FAAH2: variants seen among roughly 807,000 people sequenced by gnomAD.
The protein encoded by FAAH2 is fatty acid amide hydrolase 2, also known as fatty-acid amide hydrolase 2.
FAAH2 carries 60 observed loss-of-function variants against 36.9 expected under a neutral mutation model. That is an observed-to-expected ratio of 1.63 (90% confidence interval 1.32 to 2.02). The LOEUF is 2.02. Ranked by LOEUF, FAAH2 falls within the 30% of genes most tolerant of loss-of-function variation. The pLI is 0.00. For missense variants in FAAH2, 689 were observed against 397.5 expected, an observed-to-expected ratio of 1.73 and a Z score of -6.23; for synonymous variants, 214 against 143.8, an observed-to-expected ratio of 1.49 and a Z score of -3.49.
chrX:57,334,141 G>T (rs928723432), intron 4 of FAAH2, among the ~76,000 whole-genome samples: 1 of 109,765 alleles, frequency 9.1e-6, no homozygotes, highest in Non-Finnish European at 1.9e-5. Flanking sequence ...CTGGCAGCAG[G>T]TGCCTGTAAT....
At chrX:57,274,135 C>A in the FAAH2 span, among the ~76,000 whole-genome samples, 1 of 112,124 alleles carries the variant, frequency 8.9e-6, no homozygotes, top group African/African-American at 3.2e-5. Context: ...ATAAATGCCT[C>A]TAGCAAATAA....
At chrX:57,134,532 C>G in the FAAH2 span, 3 of 111,429 alleles carry the variant, frequency 2.7e-5, no homozygotes, top group African/African-American at 6.5e-5. Flanking sequence ...CCCATACCCT[C>G]GAGAGAAACA....
the FAAH2 span, among the ~76,000 whole-genome samples, chrX:57,269,944 TA>T: frequency 9.1e-6 from 1 of 110,241 alleles, no homozygotes; most frequent in African/African-American, 3.3e-5. Context: ...GAGCTGCTTT[TA>T]AAAAAATAAT....
At chrX:57,224,490 C>T in the FAAH2 span, among the ~76,000 whole-genome samples, 1 of 111,265 alleles carries the variant, frequency 9.0e-6, no homozygotes, top group Non-Finnish European at 1.9e-5. Flanking sequence ...ATGAATAACT[C>T]CTCCCTTCTC....
chrX:57,272,522 C>T, the FAAH2 span, among the ~76,000 whole-genome samples: 1 of 111,877 alleles, frequency 8.9e-6, no homozygotes, highest in African/African-American at 3.2e-5. Context: ...TCAGGTTACC[C>T]ACAAAGGGAA....
At chrX:57,154,285 G>C in the FAAH2 span, among the ~76,000 whole-genome samples, 1 of 47,726 alleles carries the variant, frequency 2.1e-5, no homozygotes, top group African/African-American at 8.1e-5. Context: ...TTTTTTTTTT[G>C]ACACAGTCTC....
the FAAH2 span, among the ~76,000 whole-genome samples, chrX:57,254,253 G>A: frequency 0.011 from 1,270 of 111,886 alleles, 53 homozygotes; most frequent in Admixed American, 0.11. Context: ...ACCCAATACA[G>A]GAGCACCCAG....
intron 7 of FAAH2, among the ~76,000 whole-genome samples, chrX:57,416,407 T>G (rs1170031521): frequency 1.8e-5 from 2 of 111,384 alleles, no homozygotes; most frequent in African/African-American, 6.5e-5. Flanking sequence ...TTCAGGAGCT[T>G]TTGTAAGGCA....
At chrX:57,472,581 C>A (rs1480273711) in intron 10 of FAAH2, among the ~76,000 whole-genome samples, 1 of 111,635 alleles carries the variant, frequency 9.0e-6, no homozygotes, top group African/African-American at 3.2e-5. Context: ...CTGGCAAAAC[C>A]TGACTGTGAA....
At chrX:57,266,520 C>T in the FAAH2 span, among the ~76,000 whole-genome samples, 1 of 112,776 alleles carries the variant, frequency 8.9e-6, no homozygotes, top group South Asian at 3.6e-4. Context: ...CTCTCTGCCA[C>T]TGCCTTTGCA....
chrX:57,362,636 G>A (rs1489215877), intron 5 of FAAH2, among the ~76,000 whole-genome samples: 1 of 111,456 alleles, frequency 9.0e-6, no homozygotes, highest in Non-Finnish European at 1.9e-5. Context: ...TGTTTTTGTT[G>A]CAACTGCTTT....
At chrX:57,132,349 C>G in the FAAH2 span, among the ~76,000 whole-genome samples, 1 of 112,013 alleles carries the variant, frequency 8.9e-6, no homozygotes, top group African/African-American at 3.3e-5. Flanking sequence ...ATTTCTGGGT[C>G]AGTTTCTCAT....
chrX:57,228,682 C>G, the FAAH2 span, among the ~76,000 whole-genome samples: 4 of 111,548 alleles, frequency 3.6e-5, no homozygotes, highest in East Asian at 1.1e-3. Context: ...TTTTAAAATA[C>G]CATTTACTTC....
intron 10 of FAAH2, among the ~76,000 whole-genome samples, chrX:57,454,474 A>C (rs1454265702): frequency 8.9e-6 from 1 of 112,288 alleles, no homozygotes; most frequent in Non-Finnish European, 1.9e-5. Flanking sequence ...GAGTGAGCTG[A>C]CTGTGGACAT....
the FAAH2 span, chrX:57,136,784 G>A: frequency 8.4e-6 from 3 of 356,984 alleles, no homozygotes; most frequent in Non-Finnish European, 1.5e-5. Context: ...TTTGGGCTGT[G>A]GGGAAGGGCT....
At chrX:57,200,913 T>G in the FAAH2 span, among the ~76,000 whole-genome samples, 1 of 111,493 alleles carries the variant, frequency 9.0e-6, no homozygotes, top group Non-Finnish European at 1.9e-5. Context: ...TTTTTTCTTA[T>G]TAAATTACTC....
At chrX:57,243,477 C>G in the FAAH2 span, among the ~76,000 whole-genome samples, 1 of 112,058 alleles carries the variant, frequency 8.9e-6, no homozygotes, top group African/African-American at 3.2e-5. Context: ...AAGGAGTCAA[C>G]AGACACCTCA....
At chrX:57,167,363 C>A in the FAAH2 span, among the ~76,000 whole-genome samples, 1 of 111,209 alleles carries the variant, frequency 9.0e-6, no homozygotes, top group Admixed American at 9.6e-5. Context: ...CAGGCCAGCA[C>A]CTGTCCCTTT....
At chrX:57,205,629 A>C in the FAAH2 span, among the ~76,000 whole-genome samples, 1 of 112,033 alleles carries the variant, frequency 8.9e-6, no homozygotes, top group East Asian at 2.8e-4. Context: ...CATCTGAAAA[A>C]CTTTACCTTT....
Sources: gnomAD v4.1 joint callset for allele counts (sites outside exome capture counted in the v4.1 genomes callset) on GRCh38, gnomAD v4.1.1 for gene constraint, MANE v1.5 for transcripts, NCBI Gene and HGNC (gene_info 2026-07-23, HGNC 2026-07-21) for gene names.